The following BHMT2 variants were observed in gnomAD, a reference collection of about 807,000 sequenced individuals.
BHMT2 encodes the protein betaine--homocysteine S-methyltransferase 2, also known as S-methylmethionine--homocysteine S-methyltransferase BHMT2.
In BHMT2, 28 loss-of-function variants were observed where a neutral mutation model predicts 39.0. The ratio of observed to expected loss-of-function variants is 0.72; its 90% CI spans 0.53 to 0.98. The LOEUF (loss-of-function observed/expected upper bound fraction) is 0.98, where lower values mean the gene tolerates loss of function less well. Among genes scored for constraint, BHMT2 ranks in the 50% least tolerant of loss-of-function variants. The pLI is 0.00. For synonymous variants in BHMT2, 145 were observed against 160.6 expected (o/e 0.90, Z 0.74); for missense variants, 410 against 455.6 (o/e 0.90, Z 0.91).
intron 1 of BHMT2, among the ~76,000 whole-genome samples, chr5:79,077,278 C>A (rs1009204862): frequency 6.6e-6 from 1 of 152,164 alleles, no homozygotes; most frequent in African/African-American, 2.4e-5. Flanking sequence ...ATAGTCTCAG[C>A]CCTTTCATTG....
intron 2 of BHMT2, chr5:79,077,861 A>C (rs1277015321): frequency 6.1e-6 from 2 of 325,742 alleles, no homozygotes; most frequent in Non-Finnish European, 1.1e-5. Flanking sequence ...ACTCCCACAC[A>C]CACACATCCA....
At chr5:79,088,210 T>C (rs1446507264) in intron 7 of BHMT2, among the ~76,000 whole-genome samples, 1 of 152,048 alleles carries the variant, frequency 6.6e-6, no homozygotes, top group Non-Finnish European at 1.5e-5. Context: ...TTGAAATACG[T>C]TGTCTTTTTC....
chr5:79,084,664 A>T (rs1015585946), intron 7 of BHMT2, among the ~76,000 whole-genome samples: 2 of 152,180 alleles, frequency 1.3e-5, no homozygotes, highest in African/African-American at 4.8e-5. Flanking sequence ...CAACATGTGC[A>T]TTGTGGGGAC....
chr5:79,072,287 A>C (rs1755595300), intron 1 of BHMT2, among the ~76,000 whole-genome samples: 1 of 152,100 alleles, frequency 6.6e-6, no homozygotes, highest in African/African-American at 2.4e-5. Flanking sequence ...AAGAAAGAAA[A>C]GAAAAGAAAA....
At position 79,083,801 on chromosome 5, in the gene BHMT2, C is replaced by T. The variant is rs1250955240; in HGVS notation, c.955C>T (p.His319Tyr). The T allele has an allele frequency of 1.9e-6, 3 of 1,614,172 alleles. No individual in the cohort carries two copies. Among genetic ancestry groups the T allele is most frequent in the South Asian group, 1.1e-5 (1 of 91,078 alleles). The stretch of plus-strand genomic sequence containing the variant: ...CTTTTTGCCACCAGCTTCAGAAAAA[C>T]ACGGCAGCTGGGGAAGTGGTTTGGA... ...RGFLPPASEK[H>Y]GSWGSGLDMH... Residue 319 changes from histidine (H) to tyrosine (Y), a missense_variant, in exon 7 of 8, where the codon CAC (histidine) becomes TAC (tyrosine). Coordinates refer to ENST00000255192, the MANE Select transcript of BHMT2 (RefSeq NM_017614.5).
intron 7 of BHMT2, among the ~76,000 whole-genome samples, chr5:79,087,931 G>A (rs1425497423): frequency 1.3e-5 from 2 of 152,214 alleles, no homozygotes; most frequent in Non-Finnish European, 2.9e-5. Context: ...TGTAATCCCA[G>A]TACTTTGGGA....
At chr5:79,071,601 T>C (rs486580) in intron 1 of BHMT2, among the ~76,000 whole-genome samples, 108,080 of 152,072 alleles carry the variant, frequency 0.71, 39,466 homozygotes, top group East Asian at 0.79. Context: ...AATTTTACAG[T>C]TGACTTTAGA....
At chr5:79,087,018 A>G (rs867881445) in intron 7 of BHMT2, among the ~76,000 whole-genome samples, 1,584 of 136,852 alleles carry the variant, frequency 0.012, 24 homozygotes, top group African/African-American at 0.038. Flanking sequence ...GTGTGTGTAT[A>G]TATATATATA....
At chr5:79,074,830 C>G (rs1755644509) in intron 1 of BHMT2, among the ~76,000 whole-genome samples, 1 of 152,214 alleles carries the variant, frequency 6.6e-6, no homozygotes, top group African/African-American at 2.4e-5. Flanking sequence ...GCTAAACTCT[C>G]ACGCAGGAAA....
At chr5:79,088,402 A>G in intron 7 of BHMT2, 91 bp from the exon 8 acceptor site, 2 of 585,272 alleles carry the variant, frequency 3.4e-6, no homozygotes, top group Admixed American at 3.0e-5. Flanking sequence ...GTGTGTGGTT[A>G]TATACATATA....
intron 6 of BHMT2, 71 bp from the exon 7 acceptor site, chr5:79,083,557 C>T: frequency 6.4e-7 from 1 of 1,553,888 alleles, no homozygotes; most frequent in Non-Finnish European, 8.7e-7. Context: ...ATTGGAAAAA[C>T]TGCTCATTAG....
At chr5:79,081,009 T>A in intron 4 of BHMT2, 131 bp downstream of exon 4, 1 of 834,428 alleles carries the variant, frequency 1.2e-6, no homozygotes, top group Non-Finnish European at 1.8e-6. Context: ...AAGGTTTATT[T>A]AAATGCATGG....
At chr5:79,087,117 T>G (rs1755916170) in intron 7 of BHMT2, among the ~76,000 whole-genome samples, 3 of 149,930 alleles carry the variant, frequency 2.0e-5, no homozygotes, top group Admixed American at 1.3e-4. Flanking sequence ...CTCTGCTGTC[T>G]TCTCTCTGTT....
intron 1 of BHMT2, 27 bp from the exon 2 acceptor site, chr5:79,077,453 C>T: frequency 1.3e-6 from 2 of 1,589,592 alleles, no homozygotes; most frequent in Non-Finnish European, 1.7e-6. Flanking sequence ...TAGAGCGGAG[C>T]TTAGGTGCTT....
chr5:79,077,876 C>A, intron 2 of BHMT2: 1 of 282,426 alleles, frequency 3.5e-6, no homozygotes, highest in Non-Finnish European at 6.7e-6. Context: ...CATCCATGCA[C>A]TCACACCCCA....
At position 79,083,199 on chromosome 5, in the gene BHMT2, C is replaced by T. The variant is rs1755824524; in HGVS notation, c.606C>T (p.Ser202=). Residue 202 remains serine (S), a synonymous_variant, in exon 6 of 8, where the codon TCC becomes TCT. Coordinates refer to ENST00000255192, the MANE Select transcript of BHMT2 (RefSeq NM_017614.5). ...TGTTATTTCTTTGCACAGGGGCTTC[C>T]ATCGTTGGCGTGAACTGCCGCTTTG... The part of the protein sequence containing the change: ...CAVRLVKAGA[S]IVGVNCRFGP... 6.2e-7 allele frequency: 1 copy of T among 1,613,810 alleles called. No individual in the cohort carries two copies. Among genetic ancestry groups the T allele is most frequent in the Non-Finnish European group, 8.5e-7 (1 of 1,180,016 alleles).
intron 2 of BHMT2, 98 bp downstream of exon 2, chr5:79,077,710 G>A (rs1580249024): frequency 1.4e-6 from 2 of 1,444,108 alleles, no homozygotes; most frequent in South Asian, 1.4e-5. Context: ...GTTTCAAAGG[G>A]GTGTTTTGCT....
intron 3 of BHMT2, 59 bp downstream of exon 3, chr5:79,079,519 A>T: frequency 8.7e-7 from 1 of 1,155,200 alleles, no homozygotes; most frequent in Non-Finnish European, 1.3e-6. Context: ...TAACCTCTTC[A>T]TGGGAAGCTA....
intron 3 of BHMT2, among the ~76,000 whole-genome samples, chr5:79,079,839 G>A (rs755238698): frequency 7.9e-5 from 12 of 151,638 alleles, no homozygotes; most frequent in African/African-American, 2.7e-4. Context: ...GCATTGAGCC[G>A]AGATCACACC....
Sources: allele counts gnomAD v4.1 joint callset (sites outside exome capture counted in the v4.1 genomes callset), GRCh38; gene constraint gnomAD v4.1.1; transcripts MANE v1.5; gene names NCBI Gene and HGNC (gene_info 2026-07-23, HGNC 2026-07-21).